Variants in NTRK2 observed in about 807,000 individuals in gnomAD.
NTRK2 encodes BDNF/NT-3 growth factors receptor.
Under a neutral mutation model 94.5 loss-of-function variants are expected in NTRK2, and 13 were observed. That is an observed-to-expected ratio of 0.14 (90% CI 0.09 to 0.22). The LOEUF is 0.22. NTRK2 is among the 10% of genes least tolerant of loss of function. NTRK2 has a pLI of 1.00. For synonymous variants in NTRK2, 372 were observed against 407.4 expected (o/e 0.91, Z 1.05); for missense variants, 639 against 1,071.2 (o/e 0.60, Z 5.63).
At chr9:84,918,503 G>T (rs951877537) in intron 14 of NTRK2, among the ~76,000 whole-genome samples, 1 of 152,198 alleles carries the variant, frequency 6.6e-6, no homozygotes, top group Non-Finnish European at 1.5e-5. Context: ...GTCTGAAGGG[G>T]ATCCACACAG....
chr9:84,813,737 C>T (rs1420104414), intron 12 of NTRK2: 1 of 1,066,064 alleles, frequency 9.4e-7, no homozygotes, highest in African/African-American at 1.6e-5. Context: ...AATCCTTCCT[C>T]CTATTATATC....
At chr9:84,764,214 A>T (rs2065842719) in intron 12 of NTRK2, among the ~76,000 whole-genome samples, 3 of 152,216 alleles carry the variant, frequency 2.0e-5, no homozygotes, top group African/African-American at 7.2e-5. Context: ...CTTTATAAAT[A>T]CAAGTTTTTC....
In NTRK2 at chr9:84,876,091, A is replaced by G. The variant is rs560321152; in HGVS notation, c.1633+8660A>G. The G allele has an allele frequency of 7.7e-6, 8 of 1,034,214 alleles. No individual in the cohort carries two copies. In the South Asian group the frequency reaches 3.7e-4, roughly 48 times the overall value. The allele number at this position is 1,034,214 out of a possible 1,614,324, so 64.1% of individuals were successfully genotyped here. ...CTTTCTTATGCTGTTACTATTAATT[A>G]ACACATTTTTTAACCATGCCATTGA... is the stretch of plus-strand genomic sequence containing the variant. On this transcript the variant is annotated intron_variant, in intron 14 of 18. Coordinates refer to ENST00000277120, the MANE Select transcript of NTRK2 (RefSeq NM_006180.6).
At chr9:84,695,330 C>G (rs1358224063) in intron 2 of NTRK2, among the ~76,000 whole-genome samples, 1 of 152,146 alleles carries the variant, frequency 6.6e-6, no homozygotes, top group African/African-American at 2.4e-5. Context: ...GCATTAGATA[C>G]TACTCCTTGT....
chr9:84,757,723 ATGT>A (rs2065207886), intron 12 of NTRK2, among the ~76,000 whole-genome samples: 2 of 152,164 alleles, frequency 1.3e-5, no homozygotes, highest in South Asian at 2.1e-4. Flanking sequence ...TAAATATGTA[ATGT>A]TGTTAATATT....
intron 14 of NTRK2, among the ~76,000 whole-genome samples, chr9:84,919,939 C>A (rs2077510781): frequency 6.6e-6 from 1 of 152,184 alleles, no homozygotes; most frequent in South Asian, 2.1e-4. Context: ...AAGTGAATTT[C>A]TGTAAGTCAC....
At chr9:84,876,342 A>T (rs2076066229) in intron 14 of NTRK2, 1 of 1,051,294 alleles carries the variant, frequency 9.5e-7, no homozygotes, top group African/African-American at 1.7e-5. Flanking sequence ...AGATGGCACC[A>T]CTAAGCAGCC....
chr9:84,732,591 C>T (rs2062967629), intron 9 of NTRK2, among the ~76,000 whole-genome samples: 1 of 152,140 alleles, frequency 6.6e-6, no homozygotes, highest in Non-Finnish European at 1.5e-5. Flanking sequence ...ATGGCATGTC[C>T]CACCTGAGCT....
chr9:84,728,098 G>A, intron 9 of NTRK2, 139 bp downstream of exon 9: 2 of 790,738 alleles, frequency 2.5e-6, no homozygotes, highest in Non-Finnish European at 4.3e-6. Flanking sequence ...TGGATCCATA[G>A]GTCAGCGGAG....
chr9:84,880,579 A>G (rs1001037770), intron 14 of NTRK2, among the ~76,000 whole-genome samples: 3 of 152,240 alleles, frequency 2.0e-5, no homozygotes, highest in African/African-American at 7.2e-5. Flanking sequence ...TTTTAAAAAC[A>G]AGAGTTGGCA....
chr9:84,794,578 G>A (rs758505772), intron 12 of NTRK2, among the ~76,000 whole-genome samples: 5 of 152,196 alleles, frequency 3.3e-5, no homozygotes, highest in Non-Finnish European at 7.3e-5. Flanking sequence ...CACTTTAAAT[G>A]AGCTATGTAT....
At chr9:84,874,751 G>A in intron 14 of NTRK2, 1 of 1,060,642 alleles carries the variant, frequency 9.4e-7, no homozygotes, top group Non-Finnish European at 1.1e-6. Flanking sequence ...AGCCCGAGGA[G>A]GAGATGAATC....
intron 2 of NTRK2, among the ~76,000 whole-genome samples, chr9:84,692,419 T>C (rs564870895): frequency 6.6e-6 from 1 of 152,158 alleles, no homozygotes; most frequent in South Asian, 2.1e-4. Flanking sequence ...TTGTAGTTTC[T>C]GTGTCATTTT....
chr9:84,984,796 C>T (rs1443186103), intron 17 of NTRK2, among the ~76,000 whole-genome samples: 6 of 152,202 alleles, frequency 3.9e-5, no homozygotes, highest in South Asian at 2.1e-4. Context: ...TTATCTTTGC[C>T]GCTAATGTAC....
chr9:84,994,698 C>T lies in NTRK2; in HGVS notation c.2173-25508C>T, dbSNP rs995741741. ...ACAGAATCCGTGTGTGGCTTTTTTC[C>T]CCCTGTTCTCTAAATAAAAGATGAA... On this transcript the variant is annotated intron_variant, in intron 17 of 18. Transcript: ENST00000277120. 9.9e-5 allele frequency among the ~76,000 whole-genome samples: 15 copies of T among 152,246 alleles called. No homozygotes were observed. In the Middle Eastern group the frequency reaches 0.01, roughly 104 times the overall value.
intron 15 of NTRK2, among the ~76,000 whole-genome samples, chr9:84,939,051 C>CAAAAAAAAAAAA (rs138558531): frequency 2.2e-4 from 15 of 68,342 alleles, no homozygotes; most frequent in African/African-American, 6.0e-4. Context: ...GACCCCAACT[C>CAAAAAAAAAAAA]AAAAAAAAAA....
chr9:84,871,525 G>A (rs2075866037), intron 14 of NTRK2, among the ~76,000 whole-genome samples: 2 of 152,146 alleles, frequency 1.3e-5, no homozygotes, highest in Admixed American at 1.3e-4. Context: ...AGTGACACAA[G>A]CTCAATACTT....
chr9:84,695,235 C>T (rs1187863245), intron 2 of NTRK2, among the ~76,000 whole-genome samples: 9 of 151,978 alleles, frequency 5.9e-5, no homozygotes, highest in Non-Finnish European at 1.3e-4. Context: ...TGCCAAAGTA[C>T]AGTTCAGGTA....
intron 12 of NTRK2, among the ~76,000 whole-genome samples, chr9:84,769,725 C>A (rs1026636485): frequency 1.3e-5 from 2 of 152,176 alleles, no homozygotes; most frequent in Non-Finnish European, 2.9e-5. Context: ...GGGACCAGCA[C>A]AACGTTCTTC....
Sources: allele counts gnomAD v4.1 joint callset (sites outside exome capture counted in the v4.1 genomes callset), GRCh38; gene constraint gnomAD v4.1.1; transcripts MANE v1.5; gene names NCBI Gene and HGNC (gene_info 2026-07-23, HGNC 2026-07-21).